Variants in SHROOM3 observed in about 807,000 individuals in gnomAD.
SHROOM3 encodes the protein protein Shroom3.
SHROOM3 carries 47 observed loss-of-function variants against 138.6 expected under a neutral mutation model. That is an observed-to-expected ratio of 0.34 (90% CI 0.27 to 0.43). The LOEUF (loss-of-function observed/expected upper bound fraction) is 0.43. SHROOM3 is among the 20% of genes least tolerant of loss of function. SHROOM3 has a pLI of 1.00. For missense variants in SHROOM3, 2,491 were observed against 2,596.5 expected, an observed-to-expected ratio of 0.96 and a Z score of 0.88; for synonymous variants, 1,062 against 1,063.3, an observed-to-expected ratio of 1.00 and a Z score of 0.02.
chr4:76,477,882 C>T (rs189994487), intron 1 of SHROOM3, among the ~76,000 whole-genome samples: 22 of 152,224 alleles, frequency 1.4e-4, no homozygotes, highest in Non-Finnish European at 2.4e-4. Flanking sequence ...GGTTGGGGAA[C>T]TCCCTCCCCT....
chr4:76,479,840 A>T (rs1024423362), intron 1 of SHROOM3, among the ~76,000 whole-genome samples: 1 of 152,080 alleles, frequency 6.6e-6, no homozygotes. Flanking sequence ...CATTCTTAAA[A>T]GAATTTTCAA....
rs563785768 is a variant in SHROOM3 at position 76,654,307 on chromosome 4, G to T, written c.324-55849G>T. 5.3e-5 allele frequency among the ~76,000 whole-genome samples: 8 copies of T among 152,284 alleles called. No homozygotes were observed. In the South Asian group the frequency reaches 1.0e-3, roughly 20 times the overall value. ...CGAGGTAGACAGGTGACCTTGTCTG[G>T]CATTCTGAGAGTTTGTACTTTATTC... On this transcript the variant is annotated intron_variant, in intron 2 of 10. Coordinates refer to ENST00000296043, the MANE Select transcript of SHROOM3 (RefSeq NM_020859.4).
At chr4:76,595,426 CATG>C (rs945814756) in intron 2 of SHROOM3, among the ~76,000 whole-genome samples, 3 of 152,178 alleles carry the variant, frequency 2.0e-5, no homozygotes, top group African/African-American at 7.2e-5. Flanking sequence ...CCACCCTTAG[CATG>C]ATGATTTTCT....
rs199958812 is a variant in SHROOM3 at position 76,754,629 on chromosome 4, C to T, written c.4146C>T (p.Thr1382=). ...GGCGACAGCCTCTCCCGCCCTACAC[C>T]CCTGCCATGATGCACAGAAGCAATG... ...QTGRQPLPPY[T]PAMMHRSNGH... The change falls in exon 7 of 11, where the codon ACC becomes ACT. Residue 1382 remains threonine (T), a synonymous_variant. Coordinates refer to ENST00000296043, the MANE Select transcript of SHROOM3 (RefSeq NM_020859.4). 21 of 1,614,046 alleles carry T rather than the reference C, an allele frequency of 1.3e-5. No individual in the cohort carries two copies. The South Asian group carries it at 2.2e-4, about 17-fold the overall frequency.
At chr4:76,547,441 C>G (rs3923380) in intron 1 of SHROOM3, among the ~76,000 whole-genome samples, 1 of 151,954 alleles carries the variant, frequency 6.6e-6, no homozygotes, top group Admixed American at 6.6e-5. Flanking sequence ...CTGGAACACA[C>G]GAAGCCCTCA....
At chr4:76,517,979 A>G (rs1732477996) in intron 1 of SHROOM3, among the ~76,000 whole-genome samples, 1 of 152,196 alleles carries the variant, frequency 6.6e-6, no homozygotes, top group Non-Finnish European at 1.5e-5. Context: ...AAATGATATG[A>G]ATTGACTGTG....
chr4:76,656,350 A>T (rs1462148899), intron 2 of SHROOM3, among the ~76,000 whole-genome samples: 1 of 152,218 alleles, frequency 6.6e-6, no homozygotes, highest in Non-Finnish European at 1.5e-5. Context: ...TAAAAGAAAC[A>T]GATTGTTCCT....
At chr4:76,706,388 C>T (rs1456359025) in intron 2 of SHROOM3, among the ~76,000 whole-genome samples, 2 of 152,216 alleles carry the variant, frequency 1.3e-5, no homozygotes, top group Non-Finnish European at 2.9e-5. Flanking sequence ...GCTGGGATTA[C>T]AGGCGTGAGC....
intron 2 of SHROOM3, among the ~76,000 whole-genome samples, chr4:76,701,964 A>T (rs1167059263): frequency 6.6e-6 from 1 of 152,248 alleles, no homozygotes; most frequent in African/African-American, 2.4e-5. Context: ...TAATTAAAAT[A>T]ATAAACATTA....
chr4:76,673,985 G>T (rs1397117171), intron 2 of SHROOM3, among the ~76,000 whole-genome samples: 1 of 152,090 alleles, frequency 6.6e-6, no homozygotes, highest in Non-Finnish European at 1.5e-5. Context: ...TGATCCTCCT[G>T]CCTCAGACTC....
intron 1 of SHROOM3, among the ~76,000 whole-genome samples, chr4:76,498,308 C>T (rs1732012227): frequency 6.6e-6 from 1 of 152,006 alleles, no homozygotes; most frequent in Non-Finnish European, 1.5e-5. Flanking sequence ...TAGAACTGGA[C>T]TGAGGCTCAG....
intron 1 of SHROOM3, among the ~76,000 whole-genome samples, chr4:76,535,736 G>A (rs1292636061): frequency 2.0e-5 from 3 of 152,230 alleles, no homozygotes; most frequent in African/African-American, 4.8e-5. Context: ...AAAATAAGCA[G>A]GGAGTTTGGC....
intron 1 of SHROOM3, among the ~76,000 whole-genome samples, chr4:76,536,919 C>G (rs1042988423): frequency 6.6e-6 from 1 of 152,070 alleles, no homozygotes; most frequent in South Asian, 2.1e-4. Flanking sequence ...TTGAGACCAG[C>G]CTGGCAAACA....
chr4:76,501,202 A>G (rs1157041723), intron 1 of SHROOM3, among the ~76,000 whole-genome samples: 1 of 152,128 alleles, frequency 6.6e-6, no homozygotes, highest in African/African-American at 2.4e-5. Flanking sequence ...TCTGGCAGAG[A>G]TATGTATTAC....
At chr4:76,513,926 G>A (rs922306551) in intron 1 of SHROOM3, among the ~76,000 whole-genome samples, 1 of 152,136 alleles carries the variant, frequency 6.6e-6, no homozygotes, top group African/African-American at 2.4e-5. Context: ...TACAGTTCCT[G>A]GAGTAGGGGT....
At chr4:76,437,290 G>A (rs1486879245) in intron 1 of SHROOM3, among the ~76,000 whole-genome samples, 1 of 152,104 alleles carries the variant, frequency 6.6e-6, no homozygotes, top group African/African-American at 2.4e-5. Flanking sequence ...TGTCAGTTAG[G>A]AAGGCTTCCC....
intron 2 of SHROOM3, among the ~76,000 whole-genome samples, chr4:76,607,489 G>A (rs1263304920): frequency 6.6e-6 from 1 of 152,144 alleles, no homozygotes; most frequent in African/African-American, 2.4e-5. Context: ...TTCTGTTTTT[G>A]TTATGGTGGC....
intron 1 of SHROOM3, among the ~76,000 whole-genome samples, chr4:76,496,458 G>C (rs961562812): frequency 2.0e-5 from 3 of 152,168 alleles, no homozygotes; most frequent in African/African-American, 7.2e-5. Flanking sequence ...CTTTTGTGGT[G>C]GTATAGAAAC....
intron 1 of SHROOM3, among the ~76,000 whole-genome samples, chr4:76,531,544 A>G (rs1284107095): frequency 6.6e-6 from 1 of 152,112 alleles, no homozygotes; most frequent in Admixed American, 6.5e-5. Context: ...TGATGTGAAA[A>G]AGACTAGAAA....
Sources: allele counts gnomAD v4.1 joint callset (sites outside exome capture counted in the v4.1 genomes callset), GRCh38; gene constraint gnomAD v4.1.1; transcripts MANE v1.5; gene names NCBI Gene and HGNC (gene_info 2026-07-23, HGNC 2026-07-21).